Variants in FBN3 observed in about 807,000 individuals in gnomAD.
FBN3 encodes the protein fibrillin 3.
Under a neutral mutation model 330.1 loss-of-function variants are expected in FBN3, and 234 were observed. The ratio of observed to expected loss-of-function variants is 0.71; its 90% CI spans 0.64 to 0.79. The LOEUF is 0.79. Ranked by LOEUF, FBN3 falls within the 30% of genes least tolerant of loss-of-function variation. FBN3 has a pLI of 0.00. For synonymous variants in FBN3, 1,458 were observed against 1,517.3 expected (o/e 0.96, Z 0.91); for missense variants, 3,606 against 3,886.9 (o/e 0.93, Z 1.92).
rs540638000 is a variant in FBN3, at chr19:8,072,384, ATG to A, written c.7938-188_7938-187del. Among the ~76,000 whole-genome samples the A allele has an allele frequency of 3.3e-5, 5 of 152,238 alleles. No homozygotes were observed. The South Asian group carries it at 1.0e-3, about 32-fold the overall frequency. On this transcript the variant is annotated intron_variant, in intron 62 of 63. Coordinates refer to ENST00000600128, the MANE Select transcript of FBN3 (RefSeq NM_032447.5). Reference sequence around the variant, plus strand: ...GTGTGTGCACCACATAAGGGTGTGCATGTGTGTCCCTTGGTTCATTTGGGCAT... The same window carrying A: ...GTGTGTGCACCACATAAGGGTGTGCATGTGTCCCTTGGTTCATTTGGGCAT...
Position 8,118,981 on chromosome 19 carries a change from C to G in FBN3, c.3253G>C (p.Gly1085Arg), listed in dbSNP as rs753183213. The G allele has an allele frequency of 9.9e-6, 16 of 1,610,796 alleles. No individual in the cohort carries two copies. Among genetic ancestry groups the G allele is most frequent in the African/African-American group, 1.3e-5 (1 of 74,912 alleles). The change falls in exon 26 of 64, where the codon GGC (glycine) becomes CGC (arginine). Residue 1085 changes from glycine (G) to arginine (R), a missense_variant. Gly to Arg is a moderately radical substitution (Grantham distance 125, BLOSUM62 -2). Transcript: ENST00000600128. The part of the protein sequence containing the change: ...CARDPLLCRG[G>R]TCTNTDGSYK... ...CTCCCATCCGTGTTGGTGCAAGTGC[C>G]TCCCCGGCAGAGCAGCGGGTCCCTT...
rs935548347 is a variant in FBN3 at position 8,093,420 on chromosome 19, G to A, written c.5905+1026C>T. Among the ~76,000 whole-genome samples the A allele has an allele frequency of 4.6e-5, 7 of 152,202 alleles. No homozygotes were observed. In the South Asian group the frequency reaches 8.3e-4, roughly 18 times the overall value. ...GGGCAGATCACGAGGTCAGGAGATCGAGAGCATCCTGGCTAACATGGTGAA... is the reference window on the plus strand; with the variant it reads ...GGGCAGATCACGAGGTCAGGAGATCAAGAGCATCCTGGCTAACATGGTGAA... On this transcript the variant is annotated intron_variant, in intron 47 of 63. Transcript: ENST00000600128.
Position 8,066,126 on chromosome 19 carries a change from G to T in FBN3, c.8223C>A (p.Ile2741=). Residue 2741 remains isoleucine, a synonymous_variant, in exon 64 of 64, where the codon ATC becomes ATA. Coordinates refer to ENST00000600128, the MANE Select transcript of FBN3 (RefSeq NM_032447.5). The part of the protein sequence containing the change: ...EGLEGRIRYV[I]VRGNEQGFFR... ...AGAAACCTTGCTCGTTTCCGCGGAC[G>T]ATGACGTAGCGGATCCGGCCCTCTA... 6.2e-7 allele frequency: 1 copy of T among 1,613,556 alleles called. No homozygotes were observed. Among genetic ancestry groups the T allele is most frequent in the Non-Finnish European group, 8.5e-7 (1 of 1,179,986 alleles).
chr19:8,104,679 T>C (rs1458169200), intron 38 of FBN3, among the ~76,000 whole-genome samples: 1 of 152,180 alleles, frequency 6.6e-6, no homozygotes, highest in South Asian at 2.1e-4. Flanking sequence ...GTCATTACTC[T>C]AGTCCAGGGG....
At chr19:8,071,022 C>CAA (rs34381445) in intron 63 of FBN3, among the ~76,000 whole-genome samples, 300 of 96,074 alleles carry the variant, frequency 3.1e-3, no homozygotes, top group Non-Finnish European at 3.7e-3. Flanking sequence ...GACTCTGTCT[C>CAA]AAAAAAAAAA....
intron 30 of FBN3, among the ~76,000 whole-genome samples, chr19:8,114,778 G>A (rs2082670061): frequency 2.0e-5 from 3 of 151,550 alleles, no homozygotes; most frequent in Admixed American, 1.3e-4. Context: ...GTCTGGCTCT[G>A]TCACCCAGGC....
intron 51 of FBN3, among the ~76,000 whole-genome samples, chr19:8,088,912 TGA>T: frequency 2.0e-5 from 3 of 151,870 alleles, no homozygotes; most frequent in African/African-American, 7.2e-5. Flanking sequence ...AGTGAATAAA[TGA>T]GGTGTGAATG....
intron 6 of FBN3, among the ~76,000 whole-genome samples, 194 bp downstream of exon 6, chr19:8,144,683 G>A (rs894611148): frequency 8.6e-5 from 13 of 151,856 alleles, no homozygotes; most frequent in African/African-American, 2.4e-4. Flanking sequence ...ACAGGTGCTC[G>A]CTCAGAGCCA....
intron 61 of FBN3, 156 bp downstream of exon 61, chr19:8,074,915 C>T: frequency 1.0e-6 from 1 of 956,666 alleles, no homozygotes; most frequent in Non-Finnish European, 1.5e-6. Context: ...ACCTTGACTC[C>T]CCAGCAGTGG....
At chr19:8,072,296 T>A in intron 62 of FBN3, 98 bp from the exon 63 acceptor site, 1 of 1,289,720 alleles carries the variant, frequency 7.8e-7, no homozygotes, top group Non-Finnish European at 1.1e-6. Context: ...TGAGTCATGC[T>A]GCAAATGCCC....
chr19:8,089,730 G>A, intron 50 of FBN3, 60 bp from the exon 51 acceptor site: 1 of 1,601,538 alleles, frequency 6.2e-7, no homozygotes, highest in Non-Finnish European at 8.5e-7. Flanking sequence ...CAGAGCCCTG[G>A]CCACACTCAA....
rs1299973683 is a variant in FBN3, at chr19:8,073,138, C to T, written c.7862G>A (p.Cys2621Tyr). The T allele has an allele frequency of 3.1e-6, 5 of 1,613,900 alleles. No individual in the cohort carries two copies. Among genetic ancestry groups the T allele is most frequent in the Non-Finnish European group, 4.2e-6 (5 of 1,179,952 alleles). Residue 2621 changes from cysteine to tyrosine, a missense_variant, in exon 62 of 64, where the codon TGT (cysteine) becomes TAT (tyrosine). Cys to Tyr is a radical substitution (Grantham distance 194). Transcript: ENST00000600128. ...VDECAGRRGP[C>Y]SYSCANTPGG... is the part of the protein sequence containing the mutation. ...AGGCGTGTTGGCACAGCTGTAGCTA[C>T]AGGGGCCACGCCGTCCGGCGCACTC...
In FBN3 at chr19:8,131,716, C is replaced by G. The variant is rs375756610; in HGVS notation, c.1828G>C (p.Val610Leu). ...GGLAVGTDGR[V>L]CVDTHVRSTC... is the part of the protein sequence containing the mutation. ...CTGCGCACGTGGGTGTCCACGCACA[C>G]GCGGCCATCCGTGCCTACCGCCAGC... Residue 610 changes from valine to leucine, a missense_variant, in exon 15 of 64, where the codon GTG becomes CTG. Val to Leu is a conservative substitution (Grantham distance 32). Transcript: ENST00000600128. This position sits in a 1 kb window ranked among gnomAD's most constrained non-coding sequence, Gnocchi z 4.5. The G allele has an allele frequency of 1.2e-6, 2 of 1,613,902 alleles. No homozygotes were observed. The highest frequency in any genetic ancestry group is 2.2e-5 in the East Asian group (1 of 44,874).
chr19:8,135,936 G>GGGGGGGGGGGGGGGGGCC, intron 13 of FBN3, 25 bp downstream of exon 13: 53 of 668,750 alleles, frequency 7.9e-5, no homozygotes, highest in Middle Eastern at 4.8e-4. Flanking sequence ...GGAAGCCCCT[G>GGGGGGGGGGGGGGGGGCC]CCCACCCGCC....
Position 8,094,519 on chromosome 19 carries a change from A to G in FBN3, c.5832T>C (p.Thr1944=), listed in dbSNP as rs749507166. Residue 1944 remains threonine, a synonymous_variant, in exon 47 of 64, where the codon ACT becomes ACC. Coordinates refer to ENST00000600128, the MANE Select transcript of FBN3 (RefSeq NM_032447.5). ...LSLAGTCLPG[T]CQNLEGSFRC... ...GGAAGGAGCCCTCGAGGTTCTGGCA[A>G]GTGCCGGGTAGGCAGGTTCCTGCAA... 1.1e-5 allele frequency: 17 copies of G among 1,613,990 alleles called. No individual in the cohort carries two copies. The highest frequency in any genetic ancestry group is 1.4e-5 in the Non-Finnish European group (17 of 1,179,956).
chr19:8,115,390 A>G, intron 30 of FBN3, 125 bp downstream of exon 30: 1 of 1,242,910 alleles, frequency 8.0e-7, no homozygotes, highest in East Asian at 2.6e-5. Context: ...ACAAGAAGCC[A>G]TCCGTGGAAA....
chr19:8,104,533 A>C (rs992600283), intron 38 of FBN3, among the ~76,000 whole-genome samples: 6 of 152,148 alleles, frequency 3.9e-5, no homozygotes, highest in Non-Finnish European at 5.9e-5. Flanking sequence ...TATTAGGAAC[A>C]AAATGACCTG....
rs144887983 is a variant in FBN3, at chr19:8,086,248, C to A, written c.6832G>T (p.Asp2278Tyr). Reference protein sequence around the residue: ...CVNTAGSFRCDCDEGFQPSPT... With the variant: ...CVNTAGSFRCYCDEGFQPSPT... ...CTGGGCTGGAATCCCTCATCACAGT[C>A]GCACCGGAAGCTGCCCGCGGTGTTG... The change falls in exon 55 of 64, where the codon GAC becomes TAC. Residue 2278 changes from aspartate (D) to tyrosine (Y), a missense_variant. Transcript: ENST00000600128. 2 of 1,610,846 alleles carry A rather than the reference C, an allele frequency of 1.2e-6. No individual in the cohort carries two copies. The highest frequency in any genetic ancestry group is 1.7e-6 in the Non-Finnish European group (2 of 1,178,400).
intron 30 of FBN3, among the ~76,000 whole-genome samples, chr19:8,112,628 C>T (rs187886104): frequency 7.9e-5 from 12 of 152,062 alleles, no homozygotes; most frequent in East Asian, 3.9e-4. Flanking sequence ...CTAGCCTGGG[C>T]GACAGAGTGA....
Sources: gnomAD v4.1 joint callset for allele counts (sites outside exome capture counted in the v4.1 genomes callset) on GRCh38, gnomAD v4.1.1 for gene constraint, Gnocchi (gnomAD v3.1) non-coding constraint, MANE v1.5 for transcripts, NCBI Gene and HGNC (gene_info 2026-07-23, HGNC 2026-07-21) for gene names.